The following ATG2B variants were observed in gnomAD, a reference collection of about 807,000 sequenced individuals.
ATG2B encodes the protein autophagy related 2B, also known as autophagy-related protein 2 homolog B.
A neutral mutation model predicts 241.3 loss-of-function variants in ATG2B; 121 were observed. The ratio of observed to expected loss-of-function variants is 0.50; its 90% CI spans 0.43 to 0.58. ATG2B has a LOEUF of 0.58. Among genes scored for constraint, ATG2B ranks in the 20% least tolerant of loss-of-function variants. The probability of loss-of-function intolerance (pLI) is 0.00; values close to 1 mark genes in which losing one functional copy is unlikely to be tolerated. For missense variants in ATG2B, 2,306 were observed against 2,491.6 expected (o/e 0.93, Z 1.59); for synonymous variants, 858 against 876.6 (o/e 0.98, Z 0.37).
intron 16 of ATG2B, among the ~76,000 whole-genome samples, chr14:96,322,995 T>C (rs578154208): frequency 6.6e-6 from 1 of 152,344 alleles, no homozygotes; most frequent in South Asian, 2.1e-4. Context: ...AGGTTATTTT[T>C]AAATTTCATT....
chr14:96,299,687 T>G (rs868661235), intron 34 of ATG2B, among the ~76,000 whole-genome samples: 5 of 152,180 alleles, frequency 3.3e-5, no homozygotes, highest in African/African-American at 1.2e-4. Flanking sequence ...TGGAACTCAT[T>G]CCATCTGCAA....
intron 6 of ATG2B, among the ~76,000 whole-genome samples, chr14:96,336,016 C>G (rs145653609): frequency 3.2e-4 from 48 of 152,082 alleles, no homozygotes; most frequent in African/African-American, 1.1e-3. Context: ...AACATGGTAA[C>G]TGAAACAAAA....
chr14:96,344,820 G>A (rs1888130145), intron 3 of ATG2B, 64 bp from the exon 4 acceptor site: 10 of 667,292 alleles, frequency 1.5e-5, no homozygotes, highest in Non-Finnish European at 2.4e-5. Context: ...AACCTCCAAA[G>A]AAATAAATAA....
In ATG2B at chr14:96,322,706, A is replaced by G. The variant is rs753145109; in HGVS notation, c.2570T>C (p.Met857Thr). 1.9e-6 allele frequency: 3 copies of G among 1,613,326 alleles called. No individual in the cohort carries two copies. In the African/African-American group the frequency reaches 4.0e-5, roughly 22 times the overall value. ...RIVLKINPPA[M>T]HSILERIAAE... ...TGCAATTCTCTCCAAAATGGAATGC[A>G]TGGCTGGTGGATTTATTTTCAGTAC... The change falls in exon 17 of 42, where the codon ATG (methionine) becomes ACG (threonine). Residue 857 changes from methionine to threonine, a missense_variant. Physicochemically the swap from Met to Thr is moderately conservative, Grantham distance 81. This residue lies in a region of ATG2B where 1,927 missense variants were observed against 2,011.2 expected (regional missense o/e 0.96). Coordinates refer to ENST00000359933, the MANE Select transcript of ATG2B (RefSeq NM_018036.7).
At chr14:96,303,350 T>A in intron 32 of ATG2B, 95 bp from the exon 33 acceptor site, 1 of 1,012,060 alleles carries the variant, frequency 9.9e-7, no homozygotes, top group South Asian at 2.4e-5. Flanking sequence ...CACTCATTTT[T>A]CCTCTGAATT....
At position 96,284,494 on chromosome 14, in the gene ATG2B, G is replaced by A. The variant is rs2139829832; in HGVS notation, c.*1261C>T. 1 of 152,248 alleles carries A rather than the reference G, an allele frequency of 6.6e-6. No individual in the cohort carries two copies. Among genetic ancestry groups the A allele is most frequent in the East Asian group, 1.9e-4 (1 of 5,188 alleles). The allele number at this position is 152,248 out of a possible 1,614,324, so 9.4% of individuals were successfully genotyped here. A position where few individuals can be genotyped will look rare whatever the true frequency, so the allele number is the denominator to read the frequency against. ...GTTCAATAATATTCCCCCAACTTTA[G>A]AAAACAGGAAGTCAGGTCATGCAAC... On this transcript the variant is annotated 3_prime_UTR_variant, in exon 42 of 42. Coordinates refer to ENST00000359933, the MANE Select transcript of ATG2B (RefSeq NM_018036.7).
In ATG2B at chr14:96,325,689, T is replaced by C. The variant is rs1317802774; in HGVS notation, c.2397A>G (p.Pro799=). The C allele has an allele frequency of 6.2e-7, 1 of 1,613,794 alleles. No homozygotes were observed. Among genetic ancestry groups the C allele is most frequent in the South Asian group, 1.1e-5 (1 of 91,074 alleles). Residue 799 remains proline, a synonymous_variant, in exon 15 of 42, where the codon CCA becomes CCG. Transcript: ENST00000359933. The part of the protein sequence containing the change: ...FKTEFIGGST[P]EQIKLELTFR... ...AGGTAAGTTCCAATTTAATTTGTTC[T>C]GGGGTTGATCCTCCTATAAATTCAG...
Position 96,333,840 on chromosome 14 carries a change from T to C in ATG2B, c.1055A>G (p.Asp352Gly). ...NSSKIGLANK[D>G]RKNRPMQQED... The stretch of plus-strand genomic sequence containing the variant: ...CTGCTGCATGGGTCGATTTTTCCTA[T>C]CTTTATTAGCTAACCCTATTTTGCT... The change falls in exon 8 of 42, where the codon GAT (aspartate) becomes GGT (glycine). Residue 352 changes from aspartate (D) to glycine (G), a missense_variant. Transcript: ENST00000359933. 6.2e-7 allele frequency: 1 copy of C among 1,613,850 alleles called. No individual in the cohort carries two copies. Among genetic ancestry groups the C allele is most frequent in the Non-Finnish European group, 8.5e-7 (1 of 1,179,850 alleles).
intron 6 of ATG2B, among the ~76,000 whole-genome samples, chr14:96,337,105 C>T (rs989694398): frequency 1.3e-5 from 2 of 152,096 alleles, no homozygotes; most frequent in East Asian, 1.9e-4. Flanking sequence ...ATTTCCATAC[C>T]CCTTACTGTA....
intron 10 of ATG2B, 70 bp downstream of exon 10, chr14:96,332,235 A>C (rs962103195): frequency 8.0e-7 from 1 of 1,249,058 alleles, no homozygotes; most frequent in Non-Finnish European, 1.1e-6. Context: ...AAAAGAAAGA[A>C]AAGCACCAGT....
chr14:96,329,452 A>G (rs773645951), intron 12 of ATG2B, 32 bp downstream of exon 12: 3 of 1,462,266 alleles, frequency 2.1e-6, no homozygotes, highest in Admixed American at 4.4e-5. Context: ...GATTTAAAAA[A>G]TAATCTTAAA....
At chr14:96,313,196 C>T (rs569621992) in intron 24 of ATG2B, 39 bp from the exon 25 acceptor site, 23 of 1,472,472 alleles carry the variant, frequency 1.6e-5, no homozygotes, top group Admixed American at 5.1e-5. Flanking sequence ...CAGTTTGATA[C>T]GGCTCCAGAA....
At position 96,316,688 on chromosome 14, in the gene ATG2B, T is replaced by TA. The variant is rs770696948; in HGVS notation, c.3211-6dup. ...CAACAGATCTCCATTATCTTGCTAG[T>TA]AAAAAGATCAGAAAAACACAGAAGT... On this transcript the variant is annotated splice_polypyrimidine_tract_variant and splice_region_variant and intron_variant, in intron 20 of 41. Coordinates refer to ENST00000359933, the MANE Select transcript of ATG2B (RefSeq NM_018036.7). The TA allele has an allele frequency of 1.9e-6, 3 of 1,599,984 alleles. No homozygotes were observed. Among genetic ancestry groups the TA allele is most frequent in the Admixed American group, 3.6e-5 (2 of 56,136 alleles).
At position 96,290,785 on chromosome 14, in the gene ATG2B, T is replaced by A. The variant is rs769183715; in HGVS notation, c.5701+29A>T. 2.4e-5 allele frequency: 38 copies of A among 1,591,524 alleles called. 1 individual carries two copies. The South Asian group carries it at 3.8e-4, about 16-fold the overall frequency. On this transcript the variant is annotated intron_variant, in intron 39 of 41. Coordinates refer to ENST00000359933, the MANE Select transcript of ATG2B (RefSeq NM_018036.7). This position sits in a 1 kb window ranked among gnomAD's most constrained non-coding sequence, Gnocchi z 4.4. ...ATTACTCATCTGAAAAAATAACTTA[T>A]CTTTTGATTAAAAAAGAAGAAAACT...
chr14:96,331,636 A>G lies in ATG2B; in HGVS notation c.1470T>C (p.Ser490=). 6.3e-7 allele frequency: 1 copy of G among 1,585,390 alleles called. No homozygotes were observed. Among genetic ancestry groups the G allele is most frequent in the East Asian group, 2.2e-5 (1 of 44,664 alleles). ...CCACTGAAACAGATCTAGATGGGAG[A>G]GCTAAAATACAAGTATTAAAATTAT... The part of the protein sequence containing the change: ...LVHPTPLQKT[S]LPSRSVSVDE... The change falls in exon 11 of 42, where the codon TCT becomes TCC. Residue 490 remains serine, a splice_region_variant and synonymous_variant. Transcript: ENST00000359933.
chr14:96,290,415 T>A lies in ATG2B; in HGVS notation c.5856+21A>T. Reference sequence around the variant, plus strand: ...TCACAATGGCTCTTTTTGGATAGACTAAGGCAGTCTAAAAAGATACCTGTA... The same window carrying A: ...TCACAATGGCTCTTTTTGGATAGACAAAGGCAGTCTAAAAAGATACCTGTA... On this transcript the variant is annotated intron_variant, in intron 40 of 41. Transcript: ENST00000359933. This position sits in a 1 kb window ranked among gnomAD's most constrained non-coding sequence, Gnocchi z 4.4. The A allele has an allele frequency of 6.2e-7, 1 of 1,613,356 alleles. No homozygotes were observed. The highest frequency in any genetic ancestry group is 8.5e-7 in the Non-Finnish European group (1 of 1,179,474).
Position 96,306,588 on chromosome 14 carries a change from TA to T in ATG2B, c.4506+125del, listed in dbSNP as rs140690422. The T allele has an allele frequency of 0.089, 53,924 of 603,020 alleles. 516 individuals are homozygous for T. Among genetic ancestry groups the T allele is most frequent in the African/African-American group, 0.16 (8,165 of 50,194 alleles). The allele number at this position is 603,020 out of a possible 1,614,324, so 37.4% of individuals were successfully genotyped here. On this transcript the variant is annotated intron_variant, in intron 30 of 41. Coordinates refer to ENST00000359933, the MANE Select transcript of ATG2B (RefSeq NM_018036.7). The stretch of plus-strand genomic sequence containing the variant: ...CATTCACCAACTGTCAATAGTATAT[TA>T]AAAAAAAAAAAGTAACTCTGAACTA...
chr14:96,286,705 G>A (rs1886344206), intron 41 of ATG2B, among the ~76,000 whole-genome samples: 2 of 152,232 alleles, frequency 1.3e-5, no homozygotes, highest in South Asian at 4.1e-4. Context: ...AACTTCACAT[G>A]ACTTCTGAAT....
At chr14:96,301,671 A>C (rs994004415) in intron 34 of ATG2B, among the ~76,000 whole-genome samples, 3 of 152,242 alleles carry the variant, frequency 2.0e-5, no homozygotes, top group African/African-American at 7.2e-5. Context: ...AAGACAGAGC[A>C]GCATTCAATT....
Sources: gnomAD v4.1 joint callset for allele counts (sites outside exome capture counted in the v4.1 genomes callset) on GRCh38, gnomAD v4.1.1 for gene constraint, gnomAD v4.1.1 regional missense constraint, Gnocchi (gnomAD v3.1) non-coding constraint, MANE v1.5 for transcripts, NCBI Gene and HGNC (gene_info 2026-07-23, HGNC 2026-07-21) for gene names.